The following VPS54 variants were observed in gnomAD, a reference collection of about 807,000 sequenced individuals.
VPS54 encodes the protein vacuolar protein sorting-associated protein 54.
A neutral mutation model predicts 121.5 loss-of-function variants in VPS54; 45 were observed. The ratio of observed to expected loss-of-function variants is 0.37; its 90% confidence interval spans 0.29 to 0.47. The LOEUF is 0.47. Among genes scored for constraint, VPS54 ranks in the 20% least tolerant of loss-of-function variants. The pLI is 0.99. For synonymous variants in VPS54, 371 were observed against 385.8 expected, an observed-to-expected ratio of 0.96 and a Z score of 0.45; for missense variants, 1,090 against 1,131.4, an observed-to-expected ratio of 0.96 and a Z score of 0.52.
chr2:63,931,347 A>G (rs1489213169), intron 12 of VPS54, among the ~76,000 whole-genome samples: 1 of 152,116 alleles, frequency 6.6e-6, no homozygotes, highest in Non-Finnish European at 1.5e-5. Flanking sequence ...CAGAAATAAT[A>G]CCACACATCT....
intron 20 of VPS54, among the ~76,000 whole-genome samples, chr2:63,903,998 G>A (rs932588309): frequency 6.6e-6 from 1 of 151,982 alleles, no homozygotes; most frequent in East Asian, 1.9e-4. Context: ...CTGGGTATAA[G>A]AAACTAACTT....
At chr2:63,987,478 T>C (rs1476747616) in intron 1 of VPS54, among the ~76,000 whole-genome samples, 1 of 152,054 alleles carries the variant, frequency 6.6e-6, no homozygotes, top group Non-Finnish European at 1.5e-5. Context: ...CAATTTTCTT[T>C]TTTTTGCATA....
At position 63,892,176 on chromosome 2, in the gene VPS54, C is replaced by CAGATGAT. The variant is rs1558970593; in HGVS notation, c.*1253_*1254insATCATCT. 1 of 151,986 alleles carries CAGATGAT rather than the reference C, an allele frequency of 6.6e-6. No homozygotes were observed. The highest frequency in any genetic ancestry group is 2.4e-5 in the African/African-American group (1 of 41,364). 9.4% of individuals were successfully genotyped at this position (151,986 alleles called of 1,614,324 possible). A position where few individuals can be genotyped will look rare whatever the true frequency, so the allele number is the denominator to read the frequency against. On this transcript the variant is annotated 3_prime_UTR_variant, in exon 23 of 23. Coordinates refer to ENST00000272322, the MANE Select transcript of VPS54 (RefSeq NM_016516.3). ...TAATTTTTTACAGCTTTATTTTAGA[C>CAGATGAT]AGATAGTTTAAGAACCAAAGACATA... is the stretch of plus-strand genomic sequence containing the variant.
intron 11 of VPS54, among the ~76,000 whole-genome samples, chr2:63,935,779 T>C (rs1383958656): frequency 6.6e-6 from 1 of 152,158 alleles, no homozygotes; most frequent in Non-Finnish European, 1.5e-5. Context: ...TCACAGTGAC[T>C]GGACATGTGA....
chr2:64,001,917 G>T (rs1363708629), intron 1 of VPS54, among the ~76,000 whole-genome samples: 1 of 152,084 alleles, frequency 6.6e-6, no homozygotes, highest in South Asian at 2.1e-4. Flanking sequence ...GCCGAGCCCA[G>T]TTCAGCACTA....
intron 20 of VPS54, among the ~76,000 whole-genome samples, chr2:63,904,516 G>A (rs1299313040): frequency 6.8e-6 from 1 of 146,822 alleles, no homozygotes; most frequent in African/African-American, 2.5e-5. Flanking sequence ...AAATGTGCAT[G>A]TATCCAGCAA....
rs887263868 is a variant in VPS54, at chr2:63,998,753, C to T, written c.-20-14734G>A. ...TTGTTTCTATTTATATTTTACTATC[C>T]TTATGTCTTGAAAAAATTATAGTTA... On this transcript the variant is annotated intron_variant, in intron 1 of 22. Coordinates refer to ENST00000272322, the MANE Select transcript of VPS54 (RefSeq NM_016516.3). Among the ~76,000 whole-genome samples the T allele has an allele frequency of 7.2e-5, 11 of 152,076 alleles. No homozygotes were observed. The South Asian group carries it at 8.3e-4, about 12-fold the overall frequency.
chr2:63,906,737 C>A (rs1451735105), intron 20 of VPS54, among the ~76,000 whole-genome samples: 1 of 152,154 alleles, frequency 6.6e-6, no homozygotes, highest in Non-Finnish European at 1.5e-5. Flanking sequence ...ACTGGATATA[C>A]CTTGTTTGTG....
At position 63,949,108 on chromosome 2, in the gene VPS54, C is replaced by T. The variant is rs1675121770; in HGVS notation, c.1066G>A (p.Ala356Thr). Residue 356 changes from alanine (A) to threonine (T), a missense_variant, in exon 8 of 23, where the codon GCA becomes ACA. Transcript: ENST00000272322. ...LEKLIDKMMI[A>T]EFSTYSHSDL... is the part of the protein sequence containing the mutation. ...CTGTGAGAATAAGTAGAAAATTCTG[C>T]AATCATCATTTTATCTATCAGTTTT... 2 of 1,611,312 alleles carry T rather than the reference C, an allele frequency of 1.2e-6. No homozygotes were observed. Among genetic ancestry groups the T allele is most frequent in the Non-Finnish European group, 1.7e-6 (2 of 1,179,080 alleles).
At chr2:63,913,167 A>T (rs10207847) in intron 18 of VPS54, 56 bp downstream of exon 18, 1,091,821 of 1,439,032 alleles carry the variant, frequency 0.76, 423,667 homozygotes, top group African/African-American at 0.9. Flanking sequence ...ACATGATGAG[A>T]ACAGTGACAT....
rs1400663018 is a variant in VPS54 at position 63,962,044 on chromosome 2, C to T, written c.1010+14G>A. The T allele has an allele frequency of 6.5e-7, 1 of 1,531,542 alleles. No homozygotes were observed. The highest frequency in any genetic ancestry group is 8.8e-7 in the Non-Finnish European group (1 of 1,135,418). 94.9% of individuals were successfully genotyped at this position (1,531,542 alleles called of 1,614,324 possible). A position where few individuals can be genotyped will look rare whatever the true frequency, so the allele number is the denominator to read the frequency against. On this transcript the variant is annotated intron_variant, in intron 7 of 22. Transcript: ENST00000272322. Reference sequence around the variant, plus strand: ...TTCTAACATTATTTCTAGTGGCTTACTTAATGAACATACCGGAAACTGTGA... The same window carrying T: ...TTCTAACATTATTTCTAGTGGCTTATTTAATGAACATACCGGAAACTGTGA...
chr2:63,927,252 G>A (rs1391651383), intron 12 of VPS54, among the ~76,000 whole-genome samples: 2 of 152,204 alleles, frequency 1.3e-5, no homozygotes, highest in African/African-American at 4.8e-5. Flanking sequence ...ACACCTCCCA[G>A]TAGGGGGCCG....
chr2:63,995,851 G>A (rs1009403373), intron 1 of VPS54, among the ~76,000 whole-genome samples: 29 of 152,190 alleles, frequency 1.9e-4, no homozygotes, highest in Admixed American at 1.7e-3. Flanking sequence ...CATTGGACAT[G>A]ACTAAATTAA....
intron 7 of VPS54, among the ~76,000 whole-genome samples, chr2:63,953,498 G>A (rs1436020745): frequency 6.6e-6 from 1 of 152,082 alleles, no homozygotes; most frequent in Non-Finnish European, 1.5e-5. Flanking sequence ...GCCCTTTGAA[G>A]GGTCAAAAAC....
chr2:63,938,138 C>CTG (rs374786732), intron 11 of VPS54, among the ~76,000 whole-genome samples: 5 of 148,874 alleles, frequency 3.4e-5, no homozygotes, highest in Admixed American at 2.0e-4. Context: ...GTGTGCGTGG[C>CTG]TGTGTGTGTG....
chr2:63,917,065 T>C, intron 15 of VPS54, 102 bp from the exon 16 acceptor site: 2 of 1,127,148 alleles, frequency 1.8e-6, no homozygotes, highest in Non-Finnish European at 2.6e-6. Context: ...AAAACTCTCA[T>C]TTCTGAAAAT....
chr2:63,894,815 A>G (rs929611154), intron 22 of VPS54, among the ~76,000 whole-genome samples: 3 of 152,242 alleles, frequency 2.0e-5, no homozygotes, highest in Admixed American at 6.5e-5. Context: ...AGCAAGCTGC[A>G]TATATGCAAT....
intron 12 of VPS54, among the ~76,000 whole-genome samples, chr2:63,923,709 C>A (rs1333368942): frequency 6.6e-6 from 1 of 152,190 alleles, no homozygotes; most frequent in Admixed American, 6.5e-5. Context: ...CATTGTTTTT[C>A]TCTTCCTATT....
chr2:63,900,083 G>A (rs1672610538), intron 20 of VPS54, among the ~76,000 whole-genome samples: 1 of 152,136 alleles, frequency 6.6e-6, no homozygotes, highest in African/African-American at 2.4e-5. Context: ...GCTGGGGCAT[G>A]GTGGCAGGCA....
Sources: gnomAD v4.1 joint callset for allele counts (sites outside exome capture counted in the v4.1 genomes callset) on GRCh38, gnomAD v4.1.1 for gene constraint, MANE v1.5 for transcripts, NCBI Gene and HGNC (gene_info 2026-07-23, HGNC 2026-07-21) for gene names.